PTPRS: variants seen among roughly 807,000 people sequenced by gnomAD.
PTPRS encodes protein tyrosine phosphatase receptor type S.
In PTPRS, 63 loss-of-function variants were observed where a neutral mutation model predicts 215.3. The observed-to-expected ratio is 0.29, with a 90% CI of 0.24 to 0.36. The LOEUF is 0.36. PTPRS is among the 10% of genes least tolerant of loss of function. PTPRS has a pLI of 1.00. For synonymous variants in PTPRS, 1,404 were observed against 1,191.4 expected (o/e 1.18, Z -3.68); for missense variants, 2,258 against 2,825.8 (o/e 0.80, Z 4.56).
In PTPRS at chr19:5,223,096, G is replaced by C; in HGVS notation, c.2696C>G (p.Ala899Gly). 6.4e-7 allele frequency: 1 copy of C among 1,563,364 alleles called. No individual in the cohort carries two copies. The highest frequency in any genetic ancestry group is 8.7e-7 in the Non-Finnish European group (1 of 1,154,446). ...GGCCGCAAGCCGGAACACATACGTG[G>C]CCCCCTTGTGCACGCCTGATGCCGT... is the stretch of plus-strand genomic sequence containing the variant. ...RYTASGVHKG[A>G]TYVFRLAARS... Residue 899 changes from alanine to glycine, a missense_variant, in exon 18 of 38, where the codon GCC becomes GGC. Coordinates refer to ENST00000262963, the MANE Select transcript of PTPRS (RefSeq NM_002850.4).
In PTPRS at chr19:5,210,856, G is replaced by A; in HGVS notation, c.5235-51C>T. On this transcript the variant is annotated intron_variant, in intron 33 of 37. Coordinates refer to ENST00000262963, the MANE Select transcript of PTPRS (RefSeq NM_002850.4). This position sits in a 1 kb window ranked among gnomAD's most constrained non-coding sequence, Gnocchi z 4.5. ...AGGGCCGGCAGGGAGACCCGGCGTG[G>A]TACTCACCTGATGCTGCCCGGGAGG... The A allele has an allele frequency of 1.3e-6, 2 of 1,587,584 alleles. No homozygotes were observed. The highest frequency in any genetic ancestry group is 1.7e-6 in the Non-Finnish European group (2 of 1,170,278).
chr19:5,286,974 G>C (rs1342973261), intron 1 of PTPRS, among the ~76,000 whole-genome samples: 3 of 152,188 alleles, frequency 2.0e-5, no homozygotes, highest in African/African-American at 7.2e-5. Flanking sequence ...CTATGCTGCT[G>C]TCTGGCTCTA....
chr19:5,206,665 G>A lies in PTPRS; in HGVS notation c.*109C>T, dbSNP rs190135190. 564 of 908,702 alleles carry A rather than the reference G, an allele frequency of 6.2e-4. 1 individual carries two copies. Among genetic ancestry groups the A allele is most frequent in the Non-Finnish European group, 8.7e-4 (498 of 572,320 alleles). 56.3% of individuals were successfully genotyped at this position (908,702 alleles called of 1,614,324 possible). Reference sequence around the variant, plus strand: ...ATGGTGCAGAAACACAGCTGCTGCCGCTGCCACCTCCTGCCCTGCCCACTG... The same window carrying A: ...ATGGTGCAGAAACACAGCTGCTGCCACTGCCACCTCCTGCCCTGCCCACTG... On this transcript the variant is annotated 3_prime_UTR_variant, in exon 38 of 38. Transcript: ENST00000262963.
chr19:5,239,040 C>A lies in PTPRS; in HGVS notation c.1728G>T (p.Thr576=). 6.2e-7 allele frequency: 1 copy of A among 1,613,080 alleles called. No individual in the cohort carries two copies. Among genetic ancestry groups the A allele is most frequent in the Non-Finnish European group, 8.5e-7 (1 of 1,179,672 alleles). Residue 576 remains threonine, a synonymous_variant, in exon 13 of 38, where the codon ACG becomes ACT. Coordinates refer to ENST00000262963, the MANE Select transcript of PTPRS (RefSeq NM_002850.4). ...GREVGRTFDP[T]TSYVVEDLKP... is the part of the protein sequence containing the mutation. Reference sequence around the variant, plus strand: ...TCAGGTCCTCCACCACGTAGGAAGTCGTCGGGTCGAAGGTCCTTCCCACCT... The same window carrying A: ...TCAGGTCCTCCACCACGTAGGAAGTAGTCGGGTCGAAGGTCCTTCCCACCT...
chr19:5,326,250 C>G (rs567206104), intron 1 of PTPRS, among the ~76,000 whole-genome samples: 1 of 151,160 alleles, frequency 6.6e-6, no homozygotes, highest in African/African-American at 2.4e-5. Context: ...AAACAAAATA[C>G]TGACTCAACC....
At chr19:5,284,547 C>T (rs975749762) in intron 2 of PTPRS, among the ~76,000 whole-genome samples, 2 of 151,986 alleles carry the variant, frequency 1.3e-5, no homozygotes, top group East Asian at 3.8e-4. Context: ...CTGAGTGCAG[C>T]GGTGCAATCA....
intron 4 of PTPRS, among the ~76,000 whole-genome samples, chr19:5,268,400 A>G (rs1297765675): frequency 6.6e-6 from 1 of 151,980 alleles, no homozygotes; most frequent in Non-Finnish European, 1.5e-5. Flanking sequence ...AAGAATACAC[A>G]TGTATTTGCT....
chr19:5,334,582 T>C (rs2050433159), intron 1 of PTPRS, among the ~76,000 whole-genome samples: 1 of 152,224 alleles, frequency 6.6e-6, no homozygotes, highest in Admixed American at 6.5e-5. Context: ...ATCCTTGCTC[T>C]TAACCTCTGA....
At chr19:5,325,716 C>T (rs750547476) in intron 1 of PTPRS, among the ~76,000 whole-genome samples, 2 of 152,248 alleles carry the variant, frequency 1.3e-5, no homozygotes, top group African/African-American at 4.8e-5. Context: ...CTCCTTCCTG[C>T]CTGCCGAGGA....
At chr19:5,243,583 G>C (rs62115088) in intron 11 of PTPRS, among the ~76,000 whole-genome samples, 30,637 of 151,782 alleles carry the variant, frequency 0.2, 3,943 homozygotes, top group Non-Finnish European at 0.3. Flanking sequence ...GGGTTCAAGT[G>C]ATTCTCCTGC....
chr19:5,252,668 T>A (rs1358723196), intron 9 of PTPRS, among the ~76,000 whole-genome samples: 1 of 144,918 alleles, frequency 6.9e-6, no homozygotes, highest in Non-Finnish European at 1.5e-5. Context: ...TTACCTGAGG[T>A]CAGGAGACCA....
At position 5,206,643 on chromosome 19, in the gene PTPRS, G is replaced by T; in HGVS notation, c.*131C>A. On this transcript the variant is annotated 3_prime_UTR_variant, in exon 38 of 38. Transcript: ENST00000262963. ...AGGGGCTGCGTCGTCCTCGGAAATG[G>T]TGCAGAAACACAGCTGCTGCCGCTG... 2 of 779,092 alleles carry T rather than the reference G, an allele frequency of 2.6e-6. No homozygotes were observed. The highest frequency in any genetic ancestry group is 4.3e-6 in the Non-Finnish European group (2 of 468,982). The allele number at this position is 779,092 out of a possible 1,614,324, so 48.3% of individuals were successfully genotyped here.
chr19:5,297,857 A>C (rs1429304260), intron 1 of PTPRS, among the ~76,000 whole-genome samples: 1 of 145,558 alleles, frequency 6.9e-6, no homozygotes, highest in African/African-American at 2.6e-5. Context: ...CAGTGGCACG[A>C]TCTCGGCTCA....
At chr19:5,218,876 G>T in intron 23 of PTPRS, 78 bp from the exon 24 acceptor site, 1 of 1,424,536 alleles carries the variant, frequency 7.0e-7, no homozygotes, top group Non-Finnish European at 9.6e-7. Flanking sequence ...TCAAGGGCTT[G>T]TTCTGTGACT....
chr19:5,281,629 C>T (rs2047857289), intron 2 of PTPRS, among the ~76,000 whole-genome samples: 1 of 152,212 alleles, frequency 6.6e-6, no homozygotes, highest in Admixed American at 6.5e-5. Flanking sequence ...GGGCTGCCCC[C>T]TCCTTCTGGC....
intron 17 of PTPRS, 70 bp from the exon 18 acceptor site, chr19:5,223,367 G>A (rs2042182699): frequency 1.5e-6 from 2 of 1,375,432 alleles, no homozygotes; most frequent in Non-Finnish European, 1.9e-6. Context: ...AGGTGGGGTT[G>A]TATTTTTAAT....
chr19:5,209,808 T>A (rs142985684), intron 35 of PTPRS, among the ~76,000 whole-genome samples: 1 of 152,250 alleles, frequency 6.6e-6, no homozygotes, highest in Non-Finnish European at 1.5e-5. Flanking sequence ...CTTGCACTGC[T>A]CACAGCACAA....
intron 9 of PTPRS, among the ~76,000 whole-genome samples, chr19:5,248,306 TA>T (rs374302736): frequency 1.8e-4 from 26 of 144,080 alleles, no homozygotes; most frequent in Non-Finnish European, 2.6e-4. Flanking sequence ...AAAAGCAATT[TA>T]AAAAAAGAAA....
intron 19 of PTPRS, 31 bp downstream of exon 19, chr19:5,222,084 CCCTGCCTG>C (rs761189756): frequency 1.3e-5 from 20 of 1,503,866 alleles, no homozygotes; most frequent in African/African-American, 1.2e-4. Context: ...CAACCCCTGA[CCCTGCCTG>C]CCTGCCTGCC....
Sources: allele counts gnomAD v4.1 joint callset (sites outside exome capture counted in the v4.1 genomes callset), GRCh38; gene constraint gnomAD v4.1.1; non-coding constraint Gnocchi (gnomAD v3.1); transcripts MANE v1.5; gene names NCBI Gene and HGNC (gene_info 2026-07-23, HGNC 2026-07-21).